Variants in COA4 observed in about 807,000 individuals in gnomAD.
The protein encoded by COA4 is cytochrome c oxidase assembly factor 4 homolog, mitochondrial.
A neutral mutation model predicts 7.3 loss-of-function variants in COA4; 8 were observed. The observed-to-expected ratio is 1.10, with a 90% CI of 0.64 to 1.98. The LOEUF is 1.98. Among genes scored for constraint, COA4 ranks in the 30% most tolerant of loss-of-function variants. The pLI, the probability that COA4 is intolerant of heterozygous loss-of-function variation, is 0.00. For synonymous variants in COA4, 42 were observed against 44.3 expected (o/e 0.95, Z 0.21); for missense variants, 96 against 111.2 (o/e 0.86, Z 0.62).
chr11:73,873,509 A>T, intron 1 of COA4, 115 bp from the exon 2 acceptor site: 15 of 803,018 alleles, frequency 1.9e-5, no homozygotes, highest in Non-Finnish European at 2.7e-5. Context: ...CTCCCGTGGG[A>T]GACTCTAAGC....
Position 73,873,303 on chromosome 11 carries a change from C to G in COA4, c.76G>C (p.Asp26His), listed in dbSNP as rs764911992. 2.5e-6 allele frequency: 4 copies of G among 1,614,224 alleles called. No homozygotes were observed. The highest frequency in any genetic ancestry group is 2.5e-6 in the Non-Finnish European group (3 of 1,180,042). The change falls in exon 2 of 2, where the codon GAC becomes CAC. Residue 26 changes from aspartate to histidine, a missense_variant. Transcript: ENST00000355693. Reference sequence around the variant, plus strand: ...CAGCCAGAGCGGGAGATCAGCTGGTCCAGCGGGTCCTCCTCCTCATCGTCT... The same window carrying G: ...CAGCCAGAGCGGGAGATCAGCTGGTGCAGCGGGTCCTCCTCCTCATCGTCT... ...KKDDEEEDPLDQLISRSGCAA... is the reference protein window; with the variant it reads ...KKDDEEEDPLHQLISRSGCAA...
intron 1 of COA4, chr11:73,876,014 C>T (rs900307811): frequency 1.3e-5 from 2 of 152,028 alleles, no homozygotes; most frequent in African/African-American, 4.8e-5. Flanking sequence ...GCCTGTAATC[C>T]CAACACTGGG....
chr11:73,873,467 AC>A, intron 1 of COA4, 73 bp from the exon 2 acceptor site: 1 of 1,356,216 alleles, frequency 7.4e-7, no homozygotes, highest in Non-Finnish European at 1.0e-6. Context: ...CACTGACCAG[AC>A]TGCACCATTT....
Position 73,876,699 on chromosome 11 carries a change from G to A in COA4, c.-17+58C>T, listed in dbSNP as rs1242706286. On this transcript the variant is annotated intron_variant, in intron 1 of 1. Coordinates refer to ENST00000355693, the MANE Select transcript of COA4 (RefSeq NM_016565.3). ...GGACGCATGCGCGCGCGCGGCCGCT[G>A]ATCGCAGCCCCGTTGTGCCCGCAAC... 12 of 256,702 alleles carry A rather than the reference G, an allele frequency of 4.7e-5. No homozygotes were observed. In the East Asian group the frequency reaches 5.4e-4, roughly 12 times the overall value. The allele number at this position is 256,702 out of a possible 1,614,324, so 15.9% of individuals were successfully genotyped here. A position where few individuals can be genotyped will look rare whatever the true frequency, so the allele number is the denominator to read the frequency against.
rs1213973141 is a variant in COA4 at position 73,873,207 on chromosome 11, C to T, written c.172G>A (p.Val58Met). Residue 58 changes from valine to methionine, a missense_variant, in exon 2 of 2, where the codon GTG becomes ATG. Coordinates refer to ENST00000355693, the MANE Select transcript of COA4 (RefSeq NM_016565.3). ...CTCATGCAATCCTTGAACGCCTGCA[C>T]CTGTGGCTGGCATTGCCGCCAGTCC... ...HQDWRQCQPQ[V>M]QAFKDCMSEQ... 3 of 1,614,220 alleles carry T rather than the reference C, an allele frequency of 1.9e-6. No homozygotes were observed. Among genetic ancestry groups the T allele is most frequent in the Non-Finnish European group, 2.5e-6 (3 of 1,180,044 alleles).
At chr11:73,876,589 T>A in intron 1 of COA4, 168 bp downstream of exon 1, 1 of 154,576 alleles carries the variant, frequency 6.5e-6, no homozygotes, top group South Asian at 2.0e-4. Context: ...AACAAGGAAG[T>A]CATGGAAAGG....
intron 1 of COA4, among the ~76,000 whole-genome samples, chr11:73,874,988 AAAAC>A (rs199794515): frequency 3.2e-4 from 48 of 152,278 alleles, no homozygotes; most frequent in Non-Finnish European, 4.7e-4. Flanking sequence ...CTCCATCTCC[AAAAC>A]AAACAAACAA....
At position 73,872,978 on chromosome 11, in the gene COA4, T is replaced by C. The variant is rs1478737469; in HGVS notation, c.*137A>G. ...TTTGTGCCAGTCATGTCCAAACCCA[T>C]GGCTCTCAACTCCAGATCCAAAAAC... On this transcript the variant is annotated 3_prime_UTR_variant, in exon 2 of 2. Transcript: ENST00000355693. 9.1e-7 allele frequency: 1 copy of C among 1,099,240 alleles called. No homozygotes were observed. The highest frequency in any genetic ancestry group is 1.3e-6 in the Non-Finnish European group (1 of 783,216). The allele number at this position is 1,099,240 out of a possible 1,614,324, so 68.1% of individuals were successfully genotyped here. A position where few individuals can be genotyped will look rare whatever the true frequency, so the allele number is the denominator to read the frequency against.
In COA4 at chr11:73,876,846, C is replaced by T. The variant is rs148117364; in HGVS notation, c.-106G>A. 1.2e-4 allele frequency: 78 copies of T among 625,546 alleles called. No homozygotes were observed. The highest frequency in any genetic ancestry group is 9.5e-4 in the African/African-American group (50 of 52,528). The allele number at this position is 625,546 out of a possible 1,614,324, so 38.7% of individuals were successfully genotyped here. ...GTTGGGGATCCTCTGTACATCCTTT[C>T]AGGAACCAGCCCCTCGTGGGGAGCG... On this transcript the variant is annotated 5_prime_UTR_variant, in exon 1 of 2. Coordinates refer to ENST00000355693, the MANE Select transcript of COA4 (RefSeq NM_016565.3).
intron 1 of COA4, among the ~76,000 whole-genome samples, chr11:73,873,905 A>G (rs1389727799): frequency 6.6e-6 from 1 of 152,188 alleles, no homozygotes; most frequent in Non-Finnish European, 1.5e-5. Flanking sequence ...TGAATGAGAT[A>G]AACTGTGAGA....
chr11:73,873,190 A>G lies in COA4; in HGVS notation c.189T>C (p.Asp63=). The G allele has an allele frequency of 1.2e-6, 2 of 1,613,874 alleles. No homozygotes were observed. Among genetic ancestry groups the G allele is most frequent in the South Asian group, 1.1e-5 (1 of 91,048 alleles). ...GCCTCGCCTGCTGTTCACTCATGCA[A>G]TCCTTGAACGCCTGCACCTGTGGCT... ...QCQPQVQAFK[D]CMSEQQARRQ... The change falls in exon 2 of 2, where the codon GAT becomes GAC. Residue 63 remains aspartate (D), a synonymous_variant. Coordinates refer to ENST00000355693, the MANE Select transcript of COA4 (RefSeq NM_016565.3).
Position 73,874,126 on chromosome 11 carries a change from G to GT in COA4, c.-16-733dup. Among the ~76,000 whole-genome samples, 3 of 152,024 alleles carry GT rather than the reference G, an allele frequency of 2.0e-5. No homozygotes were observed. In the Middle Eastern group the frequency reaches 0.01, roughly 517 times the overall value. On this transcript the variant is annotated intron_variant, in intron 1 of 1. Coordinates refer to ENST00000355693, the MANE Select transcript of COA4 (RefSeq NM_016565.3). ...GCCCAGGAATTTGAGACCAGCAGGG[G>GT]TAATAGCAAGACCTCATCTCTACAA...
rs187332498 is a variant in COA4, at chr11:73,873,393, G to C, written c.-15C>G. 1.6e-4 allele frequency: 261 copies of C among 1,613,596 alleles called. 1 individual carries two copies. In the African/African-American group the frequency reaches 3.2e-3, roughly 20 times the overall value. Reference sequence around the variant, plus strand: ...GAGGTTGACATCCTGGGGATGGGGAGTCTATAGAACATTAACAGGTTAGAG... The same window carrying C: ...GAGGTTGACATCCTGGGGATGGGGACTCTATAGAACATTAACAGGTTAGAG... On this transcript the variant is annotated splice_region_variant and 5_prime_UTR_variant, in exon 2 of 2. Coordinates refer to ENST00000355693, the MANE Select transcript of COA4 (RefSeq NM_016565.3).
chr11:73,872,858 G>T lies in COA4; in HGVS notation c.*257C>A. 1 of 465,594 alleles carries T rather than the reference G, an allele frequency of 2.1e-6. No individual in the cohort carries two copies. Among genetic ancestry groups the T allele is most frequent in the South Asian group, 4.4e-5 (1 of 22,858 alleles). 28.8% of individuals were successfully genotyped at this position (465,594 alleles called of 1,614,324 possible). A position where few individuals can be genotyped will look rare whatever the true frequency, so the allele number is the denominator to read the frequency against. ...CTGACTTAAGATGTGGGGTGGGGGA[G>T]CATCCCTTAACACATTCTTTGTTTT... On this transcript the variant is annotated 3_prime_UTR_variant, in exon 2 of 2. Transcript: ENST00000355693.
chr11:73,872,911 G>T lies in COA4; in HGVS notation c.*204C>A. The T allele has an allele frequency of 1.6e-6, 1 of 610,152 alleles. No individual in the cohort carries two copies. The highest frequency in any genetic ancestry group is 2.8e-6 in the Non-Finnish European group (1 of 359,068). The allele number at this position is 610,152 out of a possible 1,614,324, so 37.8% of individuals were successfully genotyped here. A position where few individuals can be genotyped will look rare whatever the true frequency, so the allele number is the denominator to read the frequency against. ...TGGTAAATACTGGTGGAACAAGACA[G>T]CTGAGAATGTATGACATCTGACCAT... is the stretch of plus-strand genomic sequence containing the variant. On this transcript the variant is annotated 3_prime_UTR_variant, in exon 2 of 2. Coordinates refer to ENST00000355693, the MANE Select transcript of COA4 (RefSeq NM_016565.3).
At chr11:73,873,493 G>T in intron 1 of COA4, 99 bp from the exon 2 acceptor site, 3 of 999,632 alleles carry the variant, frequency 3.0e-6, no homozygotes, top group Non-Finnish European at 4.4e-6. Flanking sequence ...TGTTTAATGT[G>T]TCTGTCTCCC....
At chr11:73,873,531 T>G (rs1948711471) in intron 1 of COA4, 137 bp from the exon 2 acceptor site, 1 of 654,798 alleles carries the variant, frequency 1.5e-6, no homozygotes, top group Non-Finnish European at 2.4e-6. Context: ...TGAAGACAGA[T>G]GCTTGTTTTT....
At chr11:73,873,533 CTTGTTT>C in intron 1 of COA4, 139 bp from the exon 2 acceptor site, 72 of 538,920 alleles carry the variant, frequency 1.3e-4, no homozygotes, top group South Asian at 1.9e-4. Flanking sequence ...AAGACAGATG[CTTGTTT>C]TTTTTTTTTT....
At chr11:73,874,623 C>A (rs1277439094) in intron 1 of COA4, 5 of 152,102 alleles carry the variant, frequency 3.3e-5, no homozygotes, top group South Asian at 2.1e-4. Flanking sequence ...CATAGTGAGA[C>A]CCTGTTTCAA....
Sources: gnomAD v4.1 joint callset for allele counts (sites outside exome capture counted in the v4.1 genomes callset) on GRCh38, gnomAD v4.1.1 for gene constraint, MANE v1.5 for transcripts, NCBI Gene and HGNC (gene_info 2026-07-23, HGNC 2026-07-21) for gene names.